ZNF568: variants seen among roughly 807,000 people sequenced by gnomAD.
ZNF568 encodes p53 inhibitor of SCO2 activation.
Under a neutral mutation model 18.1 loss-of-function variants are expected in ZNF568, and 11 were observed. That is an observed-to-expected ratio of 0.61 (90% confidence interval 0.38 to 1.00). The LOEUF (loss-of-function observed/expected upper bound fraction) is 1.00. ZNF568 is among the 50% of genes least tolerant of loss of function. ZNF568 has a pLI of 0.01. For missense variants in ZNF568, 639 were observed against 768.2 expected, an observed-to-expected ratio of 0.83 and a Z score of 1.99; for synonymous variants, 213 against 246.6, an observed-to-expected ratio of 0.86 and a Z score of 1.28.
At chr19:36,993,093 T>C (rs1644684) in intron 4 of ZNF568, among the ~76,000 whole-genome samples, 81,317 of 152,056 alleles carry the variant, frequency 0.53, 22,270 homozygotes, top group African/African-American at 0.62. Context: ...CTAAAGCTGC[T>C]ATGAACATTT....
In ZNF568 at chr19:36,949,519, G is replaced by A; in HGVS notation, c.366G>A (p.Trp122Ter). The change falls in exon 7 of 7, where the codon TGG becomes TGA. Residue 122 changes from tryptophan (W) to a stop codon, truncating the protein, a stop_gained. Coordinates refer to ENST00000333987, the MANE Select transcript of ZNF568 (RefSeq NM_198539.4). LOFTEE classifies it low-confidence loss of function (END_TRUNC). Reference protein sequence around the residue: ...EMFGRHCPEVWEVDEQIKKQQ... With the variant: ...EMFGRHCPEV ...TCTGGTCCTCCATTTTAGAAGTTTG[G>A]GAAGTTGATGAACAGATCAAGAAGC... The A allele has an allele frequency of 1.3e-6, 2 of 1,559,576 alleles. No homozygotes were observed. The highest frequency in any genetic ancestry group is 8.6e-7 in the Non-Finnish European group (1 of 1,158,438).
At position 36,950,385 on chromosome 19, in the gene ZNF568, G is replaced by A. The variant is rs1286476773; in HGVS notation, c.1232G>A (p.Ser411Asn). ...QCSVFIIHMR[S>N]HTGEKPYVCS... ...TCAGTATTTATTATACATATGAGAA[G>A]TCACACTGGTGAGAAACCCTATGTA... Residue 411 changes from serine to asparagine, a missense_variant, in exon 7 of 7, where the codon AGT becomes AAT. Ser to Asn is a conservative substitution (Grantham distance 46, BLOSUM62 1). Coordinates refer to ENST00000333987, the MANE Select transcript of ZNF568 (RefSeq NM_198539.4). 3.1e-6 allele frequency: 5 copies of A among 1,613,732 alleles called. No homozygotes were observed. Among genetic ancestry groups the A allele is most frequent in the African/African-American group, 2.7e-5 (2 of 74,868 alleles).
chr19:36,958,616 CTTTTTTT>C (rs35494587), intron 6 of ZNF568, among the ~76,000 whole-genome samples: 5 of 99,130 alleles, frequency 5.0e-5, no homozygotes, highest in East Asian at 5.7e-4. Flanking sequence ...CTTTTTCTTT[CTTTTTTT>C]TTTTTTTTTT....
Position 36,922,617 on chromosome 19 carries a change from C to T in ZNF568, c.-154C>T. The T allele has an allele frequency of 3.8e-6, 2 of 526,136 alleles. No homozygotes were observed. The highest frequency in any genetic ancestry group is 6.8e-6 in the Non-Finnish European group (2 of 294,026). 32.6% of individuals were successfully genotyped at this position (526,136 alleles called of 1,614,324 possible). ...GTTCCACAAGGATAAAACACATCTGCAGTGCAAATAGAAGTCTGAGGAACA... is the reference window on the plus strand; with the variant it reads ...GTTCCACAAGGATAAAACACATCTGTAGTGCAAATAGAAGTCTGAGGAACA... On this transcript the variant is annotated 5_prime_UTR_variant, in exon 3 of 7. Transcript: ENST00000333987.
chr19:36,979,577 C>CT (rs2074314793), exon 8 of ZNF568: 1 of 152,214 alleles, frequency 6.6e-6, no homozygotes, highest in Non-Finnish European at 1.5e-5. Flanking sequence ...TTCTGCAACT[C>CT]TATTACTTGT....
chr19:36,942,650 T>C (rs1445675937), intron 6 of ZNF568, among the ~76,000 whole-genome samples: 2 of 150,556 alleles, frequency 1.3e-5, no homozygotes, highest in Admixed American at 6.6e-5. Context: ...GGAATCCTCA[T>C]GTATTCATCA....
At chr19:36,918,866 A>T (rs888073292) in intron 2 of ZNF568, among the ~76,000 whole-genome samples, 8 of 152,310 alleles carry the variant, frequency 5.3e-5, no homozygotes, top group African/African-American at 1.9e-4. Flanking sequence ...TAAATACTTC[A>T]TATAAGCAGA....
At chr19:36,946,158 C>G (rs1271357120) in intron 6 of ZNF568, among the ~76,000 whole-genome samples, 1 of 151,884 alleles carries the variant, frequency 6.6e-6, no homozygotes, top group Non-Finnish European at 1.5e-5. Flanking sequence ...ATCTATAGGG[C>G]AAAGCAGGAA....
chr19:36,968,271 C>T (rs2074209137), intron 6 of ZNF568, among the ~76,000 whole-genome samples: 1 of 151,758 alleles, frequency 6.6e-6, no homozygotes. Context: ...GTAACATATA[C>T]CTTATATTAA....
Position 36,975,681 on chromosome 19 carries a change from CTTTTTT to C in ZNF568, c.405+1231_405+1236del, listed in dbSNP as rs1193440344. 2.4e-4 allele frequency among the ~76,000 whole-genome samples: 18 copies of C among 75,778 alleles called. 1 individual carries two copies. In the South Asian group the frequency reaches 8.3e-3, roughly 35 times the overall value. 49.7% of individuals were successfully genotyped at this position (75,778 alleles called of 152,430 possible). A position where few individuals can be genotyped will look rare whatever the true frequency, so the allele number is the denominator to read the frequency against. ...GCAGGCGTGAGCCACCGCGCCAAGACTTTTTTTTTTTTTTTTTTTTTGAGACAGAGT... is the reference window on the plus strand; with the variant it reads ...GCAGGCGTGAGCCACCGCGCCAAGACTTTTTTTTTTTTTTTGAGACAGAGT... On this transcript the variant is annotated intron_variant, in intron 7 of 7. Transcript: ENST00000427117.
intron 3 of ZNF568, chr19:36,991,357 C>T: frequency 6.9e-7 from 1 of 1,459,474 alleles, no homozygotes; most frequent in Non-Finnish European, 9.0e-7. Context: ...AATTGGCCTT[C>T]TGGAATTCTT....
downstream of ZNF568, among the ~76,000 whole-genome samples, chr19:36,982,682 G>A (rs998054238): frequency 6.6e-6 from 1 of 152,056 alleles, no homozygotes; most frequent in Non-Finnish European, 1.5e-5. Flanking sequence ...CTCCAGCCTG[G>A]GTGACAAGAG....
At chr19:36,925,348 A>T in intron 4 of ZNF568, 90 bp downstream of exon 4, 1 of 1,148,518 alleles carries the variant, frequency 8.7e-7, no homozygotes, top group Non-Finnish European at 1.3e-6. Context: ...TGGAAAAAAT[A>T]AATTGATGAA....
Position 36,951,223 on chromosome 19 carries a change from A to G in ZNF568, c.*135A>G. 1 of 815,870 alleles carries G rather than the reference A, an allele frequency of 1.2e-6. No homozygotes were observed. The highest frequency in any genetic ancestry group is 1.7e-6 in the Non-Finnish European group (1 of 578,070). The allele number at this position is 815,870 out of a possible 1,614,324, so 50.5% of individuals were successfully genotyped here. ...GTAAGACTGGAATAAATGGAAAGAAATACCATATACATAGATGGAAAAACC... is the reference window on the plus strand; with the variant it reads ...GTAAGACTGGAATAAATGGAAAGAAGTACCATATACATAGATGGAAAAACC... On this transcript the variant is annotated 3_prime_UTR_variant, in exon 7 of 7. Coordinates refer to ENST00000333987, the MANE Select transcript of ZNF568 (RefSeq NM_198539.4).
intron 4 of ZNF568, among the ~76,000 whole-genome samples, chr19:36,925,629 A>T (rs982191221): frequency 4.6e-5 from 7 of 152,148 alleles, no homozygotes; most frequent in African/African-American, 1.7e-4. Flanking sequence ...GGACTTCTGT[A>T]TCTGTAGATT....
chr19:36,989,956 T>G (rs540634042), intron 2 of ZNF568, among the ~76,000 whole-genome samples: 1 of 151,882 alleles, frequency 6.6e-6, no homozygotes, highest in African/African-American at 2.4e-5. Context: ...TTTGATGAAG[T>G]GGAAATGAAT....
In ZNF568 at chr19:36,927,318, G is replaced by A. The variant is rs182956451; in HGVS notation, c.135+2060G>A. On this transcript the variant is annotated intron_variant, in intron 4 of 6. Coordinates refer to ENST00000333987, the MANE Select transcript of ZNF568 (RefSeq NM_198539.4). ...ATCATAGAGATAATCTCTGTTCAAA[G>A]CATTGTTTTCCATATTTAGTCTTTA... 1.4e-4 allele frequency among the ~76,000 whole-genome samples: 21 copies of A among 152,136 alleles called. No individual in the cohort carries two copies. The East Asian group carries it at 3.9e-3, about 28-fold the overall frequency.
chr19:36,941,382 T>G (rs80024274), intron 6 of ZNF568, among the ~76,000 whole-genome samples: 154 of 152,334 alleles, frequency 1.0e-3, no homozygotes, highest in African/African-American at 3.5e-3. Context: ...GGACCTGCTG[T>G]TAACACACTG....
chr19:36,925,193 C>T lies in ZNF568; in HGVS notation c.77-7C>T, dbSNP rs748595216. 3.1e-6 allele frequency: 5 copies of T among 1,613,948 alleles called. No individual in the cohort carries two copies. The South Asian group carries it at 4.4e-5, about 14-fold the overall frequency. On this transcript the variant is annotated splice_region_variant and splice_polypyrimidine_tract_variant and intron_variant, in intron 3 of 6. Coordinates refer to ENST00000333987, the MANE Select transcript of ZNF568 (RefSeq NM_198539.4). ...GAAGCAAATCTGTTTCATTTCTCTT[C>T]CCTCAGCTTGGTGTTCTCAAGAGTC...
Sources: gnomAD v4.1 joint callset for allele counts (sites outside exome capture counted in the v4.1 genomes callset) on GRCh38, gnomAD v4.1.1 for gene constraint, MANE v1.5 for transcripts, NCBI Gene and HGNC (gene_info 2026-07-23, HGNC 2026-07-21) for gene names.